The following TMTC2 variants were observed in gnomAD, a reference collection of about 807,000 sequenced individuals.
TMTC2 encodes transmembrane O-mannosyltransferase targeting cadherins 2.
Under a neutral mutation model 82.4 loss-of-function variants are expected in TMTC2, and 43 were observed. The observed-to-expected ratio is 0.52, with a 90% confidence interval of 0.41 to 0.67. The LOEUF is 0.67. Ranked by LOEUF, TMTC2 falls within the 30% of genes least tolerant of loss-of-function variation. The pLI is 0.00. For missense variants in TMTC2, 919 were observed against 1,012.4 expected (o/e 0.91, Z 1.25); for synonymous variants, 408 against 381.9 (o/e 1.07, Z -0.80).
intron 1 of TMTC2, among the ~76,000 whole-genome samples, chr12:82,812,003 A>G (rs1264291658): frequency 1.3e-5 from 2 of 151,612 alleles, no homozygotes; most frequent in Admixed American, 6.6e-5. Flanking sequence ...ATTTTAATAG[A>G]GACATGGTTT....
chr12:82,882,185 G>T (rs1186774904), intron 2 of TMTC2, among the ~76,000 whole-genome samples: 1 of 151,102 alleles, frequency 6.6e-6, no homozygotes, highest in Non-Finnish European at 1.5e-5. Flanking sequence ...ATTTTTAGTA[G>T]AGACGGGGTT....
At chr12:82,726,049 C>T (rs1490092001) in intron 1 of TMTC2, among the ~76,000 whole-genome samples, 1 of 152,148 alleles carries the variant, frequency 6.6e-6, no homozygotes, top group Admixed American at 6.5e-5. Context: ...TTTTCCCCCA[C>T]AAAGGACCAC....
Position 82,896,075 on chromosome 12 carries a change from A to G in TMTC2, c.912A>G (p.Thr304=), listed in dbSNP as rs770873589. 21 of 1,614,002 alleles carry G rather than the reference A, an allele frequency of 1.3e-5. No homozygotes were observed. The South Asian group carries it at 1.6e-4, about 13-fold the overall frequency. Residue 304 remains threonine (T), a synonymous_variant, in exon 3 of 12, where the codon ACA becomes ACG. Transcript: ENST00000321196. ...TGGATGCTGTGCCTCTGCTCAAAAC[A>G]GTTTGTGACTGGAGAAACCTACACA... ...WSMDAVPLLK[T]VCDWRNLHTV... is the part of the protein sequence containing the mutation.
chr12:82,897,267 A>G (rs1289665691), intron 3 of TMTC2, among the ~76,000 whole-genome samples: 14 of 152,226 alleles, frequency 9.2e-5, no homozygotes, highest in Admixed American at 9.2e-4. Context: ...CACACTTCTC[A>G]CTACATAATG....
chr12:82,719,059 T>TTTTATATATATATATA (rs1874040088), intron 1 of TMTC2, among the ~76,000 whole-genome samples: 1 of 94,440 alleles, frequency 1.1e-5, no homozygotes, highest in African/African-American at 4.6e-5. Context: ...TTAGATGATT[T>TTTTATATATATATATA]TATATATATA....
intron 1 of TMTC2, among the ~76,000 whole-genome samples, chr12:82,690,925 A>C (rs1318761218): frequency 6.6e-6 from 1 of 152,154 alleles, no homozygotes; most frequent in Non-Finnish European, 1.5e-5. Flanking sequence ...ATGACATGGC[A>C]TCACTTTTTT....
intron 1 of TMTC2, among the ~76,000 whole-genome samples, chr12:82,763,191 GA>G (rs61662116): frequency 0.99 from 147,431 of 149,524 alleles, 72,705 homozygotes; most frequent in East Asian, 1. Flanking sequence ...ATAGAAGCTA[GA>G]AAAAAAAAAC....
intron 1 of TMTC2, among the ~76,000 whole-genome samples, chr12:82,851,705 G>A (rs1170025547): frequency 2.0e-5 from 3 of 152,044 alleles, no homozygotes; most frequent in African/African-American, 7.2e-5. Context: ...TATCTTTCTT[G>A]CAAAGAACAT....
chr12:82,777,775 C>G (rs1877672461), intron 1 of TMTC2, among the ~76,000 whole-genome samples: 1 of 152,104 alleles, frequency 6.6e-6, no homozygotes, highest in Admixed American at 6.6e-5. Flanking sequence ...TTTCCCATTC[C>G]TCAGCTGAAA....
intron 1 of TMTC2, among the ~76,000 whole-genome samples, chr12:82,691,333 T>C (rs908627598): frequency 1.9e-4 from 29 of 152,128 alleles, no homozygotes; most frequent in African/African-American, 7.0e-4. Flanking sequence ...CAGTAATTTT[T>C]TGAAACTTGG....
chr12:82,898,203 A>T (rs1873779547), intron 3 of TMTC2, among the ~76,000 whole-genome samples: 3 of 152,192 alleles, frequency 2.0e-5, no homozygotes, highest in Admixed American at 6.5e-5. Flanking sequence ...TTACCATGTG[A>T]CTTTTCCTAG....
At chr12:82,773,917 T>A (rs747227775) in intron 1 of TMTC2, among the ~76,000 whole-genome samples, 1 of 152,166 alleles carries the variant, frequency 6.6e-6, no homozygotes, top group East Asian at 1.9e-4. Flanking sequence ...TGTGTTGGAA[T>A]GAAAATAATA....
At chr12:82,811,870 T>G (rs1275250115) in intron 1 of TMTC2, among the ~76,000 whole-genome samples, 1 of 141,158 alleles carries the variant, frequency 7.1e-6, no homozygotes, top group Non-Finnish European at 1.5e-5. Context: ...CAGGCTGGAG[T>G]GCAGTGGTGT....
At chr12:82,761,549 G>T (rs1043244147) in intron 1 of TMTC2, among the ~76,000 whole-genome samples, 10 of 152,162 alleles carry the variant, frequency 6.6e-5, no homozygotes, top group African/African-American at 2.4e-4. Context: ...ATCTATAGGG[G>T]TGCACACAAA....
At chr12:82,920,623 C>T (rs1241887855) in intron 3 of TMTC2, among the ~76,000 whole-genome samples, 1 of 152,090 alleles carries the variant, frequency 6.6e-6, no homozygotes, top group African/African-American at 2.4e-5. Context: ...ATTCCTACTT[C>T]TTCACTTCTT....
chr12:82,921,744 A>G (rs1875405278), intron 3 of TMTC2, among the ~76,000 whole-genome samples: 1 of 152,146 alleles, frequency 6.6e-6, no homozygotes, highest in Non-Finnish European at 1.5e-5. Context: ...ATGCTTTATT[A>G]TATTATATCC....
At chr12:82,843,924 G>A (rs1326848933) in intron 1 of TMTC2, among the ~76,000 whole-genome samples, 2 of 152,150 alleles carry the variant, frequency 1.3e-5, no homozygotes, top group Non-Finnish European at 2.9e-5. Flanking sequence ...CTCCAGCCTG[G>A]GCGACAGAGT....
rs115746543 is a variant in TMTC2, at chr12:83,024,181, A to T, written c.2071-6617A>T. Reference sequence around the variant, plus strand: ...CACCTCAACACACTCTGACTTGGTCATTATATGGAATATCACATGTAACAG... The same window carrying T: ...CACCTCAACACACTCTGACTTGGTCTTTATATGGAATATCACATGTAACAG... On this transcript the variant is annotated intron_variant, in intron 8 of 11. Coordinates refer to ENST00000321196, the MANE Select transcript of TMTC2 (RefSeq NM_152588.3). Among the ~76,000 whole-genome samples, 1,281 of 152,296 alleles carry T rather than the reference A, an allele frequency of 8.4e-3. 23 individuals carry two copies. The highest frequency in any genetic ancestry group is 0.029 in the African/African-American group (1,215 of 41,554).
intron 1 of TMTC2, among the ~76,000 whole-genome samples, chr12:82,710,216 C>T (rs559542913): frequency 1.3e-5 from 2 of 152,176 alleles, no homozygotes; most frequent in Non-Finnish European, 2.9e-5. Context: ...TGGTGCTACT[C>T]GATCAATTGA....
Sources: allele counts gnomAD v4.1 joint callset (sites outside exome capture counted in the v4.1 genomes callset), GRCh38; gene constraint gnomAD v4.1.1; transcripts MANE v1.5; gene names NCBI Gene and HGNC (gene_info 2026-07-23, HGNC 2026-07-21).